Variants in MFAP5 observed in about 807,000 individuals in gnomAD.
MFAP5 encodes microfibrillar-associated protein 5.
A neutral mutation model predicts 30.1 loss-of-function variants in MFAP5; 19 were observed. That is an observed-to-expected ratio of 0.63 (90% confidence interval 0.44 to 0.93). The LOEUF is 0.93. Ranked by LOEUF, MFAP5 falls within the 40% of genes least tolerant of loss-of-function variation. The probability of loss-of-function intolerance (pLI) is 0.00; values close to 1 mark genes in which losing one functional copy is unlikely to be tolerated. For missense variants in MFAP5, 210 were observed against 221.3 expected, an observed-to-expected ratio of 0.95 and a Z score of 0.32; for synonymous variants, 92 against 72.9, an observed-to-expected ratio of 1.26 and a Z score of -1.33.
intron 6 of MFAP5, 34 bp from the exon 7 acceptor site, chr12:8,651,725 A>G (rs1368770608): frequency 1.2e-6 from 2 of 1,603,038 alleles, no homozygotes; most frequent in Non-Finnish European, 1.7e-6. Flanking sequence ...ACTGTTACCA[A>G]TTCTAGAAGT....
chr12:8,655,390 T>TG, intron 5 of MFAP5, 25 bp downstream of exon 5: 1 of 1,573,262 alleles, frequency 6.4e-7, no homozygotes, highest in Non-Finnish European at 8.7e-7. Context: ...CATGCCATTT[T>TG]TTTTTTAACT....
chr12:8,656,625 T>TACACACACACAC (rs1223209541), intron 3 of MFAP5, among the ~76,000 whole-genome samples: 40 of 121,258 alleles, frequency 3.3e-4, no homozygotes, highest in African/African-American at 1.2e-3. Flanking sequence ...TATACACACA[T>TACACACACACAC]ACACACACAC....
At chr12:8,655,531 A>C in intron 4 of MFAP5, 84 bp from the exon 5 acceptor site, 9 of 1,385,744 alleles carry the variant, frequency 6.5e-6, no homozygotes, top group African/African-American at 1.5e-5. Context: ...GATGATCTCA[A>C]AGGAGGCAAG....
chr12:8,649,488 G>A lies in MFAP5; in HGVS notation c.409+13C>T. ...ACTGCTTCTCTCCATTAAACATCCA[G>A]ACATCATCTTACCTTTCATAGCTTC... On this transcript the variant is annotated intron_variant, in intron 9 of 9. Coordinates refer to ENST00000359478, the MANE Select transcript of MFAP5 (RefSeq NM_003480.4). The A allele has an allele frequency of 6.2e-7, 1 of 1,611,190 alleles. No individual in the cohort carries two copies. Among genetic ancestry groups the A allele is most frequent in the Non-Finnish European group, 8.5e-7 (1 of 1,177,586 alleles).
chr12:8,660,223 C>G (rs1415463852), intron 3 of MFAP5, among the ~76,000 whole-genome samples: 1 of 145,942 alleles, frequency 6.9e-6, no homozygotes, highest in African/African-American at 2.5e-5. Context: ...CAGTTCCACT[C>G]TGTTGCCCAG....
intron 6 of MFAP5, 74 bp from the exon 7 acceptor site, chr12:8,651,765 A>C: frequency 2.9e-6 from 4 of 1,367,286 alleles, no homozygotes; most frequent in Non-Finnish European, 4.2e-6. Context: ...ACACTGCCTC[A>C]CTTAGGACCT....
intron 9 of MFAP5, among the ~76,000 whole-genome samples, 171 bp downstream of exon 9, chr12:8,649,330 T>C (rs1482209091): frequency 6.6e-6 from 1 of 151,512 alleles, no homozygotes; most frequent in Non-Finnish European, 1.5e-5. Flanking sequence ...TCAAGCATAC[T>C]GCTTTATGTA....
intron 7 of MFAP5, among the ~76,000 whole-genome samples, chr12:8,651,093 G>A (rs1941826353): frequency 1.3e-5 from 2 of 152,048 alleles, no homozygotes; most frequent in Non-Finnish European, 2.9e-5. Context: ...CTTCAACCTG[G>A]GAGGCGGAGG....
At chr12:8,655,557 A>C (rs1239255217) in intron 4 of MFAP5, 110 bp from the exon 5 acceptor site, 22 of 1,206,708 alleles carry the variant, frequency 1.8e-5, no homozygotes, top group South Asian at 1.3e-4. Flanking sequence ...CTGAAGTGAA[A>C]GCCTGTGGAC....
At chr12:8,661,709 T>C (rs1443650682) in intron 2 of MFAP5, among the ~76,000 whole-genome samples, 3 of 152,066 alleles carry the variant, frequency 2.0e-5, no homozygotes, top group Admixed American at 1.3e-4. Flanking sequence ...GTCCCTCCTC[T>C]ATGTTTGTGT....
At chr12:8,657,701 T>C (rs770021059) in intron 3 of MFAP5, among the ~76,000 whole-genome samples, 3 of 146,996 alleles carry the variant, frequency 2.0e-5, no homozygotes, top group Non-Finnish European at 3.0e-5. Flanking sequence ...GCCTCCTGAG[T>C]GGCTGGGACA....
chr12:8,648,455 A>C, intron 9 of MFAP5: 1 of 1,086,610 alleles, frequency 9.2e-7, no homozygotes, highest in Non-Finnish European at 1.2e-6. Flanking sequence ...TATATTTCTG[A>C]GTATTAAAAT....
chr12:8,651,511 A>G lies in MFAP5; in HGVS notation c.247+151T>C, dbSNP rs115508526. On this transcript the variant is annotated intron_variant, in intron 7 of 9. Transcript: ENST00000359478. Reference sequence around the variant, plus strand: ...TGACAGGTGCTCATTTTTTTAAAAAAAAGAGTAAGGGAGTGAAGAACACTA... The same window carrying G: ...TGACAGGTGCTCATTTTTTTAAAAAGAAGAGTAAGGGAGTGAAGAACACTA... 8.1e-4 allele frequency: 617 copies of G among 762,812 alleles called. 3 individuals carry two copies. The African/African-American group carries it at 0.01, about 13-fold the overall frequency. The allele number at this position is 762,812 out of a possible 1,614,324, so 47.3% of individuals were successfully genotyped here. A position where few individuals can be genotyped will look rare whatever the true frequency, so the allele number is the denominator to read the frequency against.
At chr12:8,655,109 C>T (rs1246128522) in intron 5 of MFAP5, among the ~76,000 whole-genome samples, 1 of 151,976 alleles carries the variant, frequency 6.6e-6, no homozygotes, top group Non-Finnish European at 1.5e-5. Context: ...GAAATCCCGT[C>T]TCTACTAAAA....
chr12:8,651,272 C>A (rs1245629442), intron 7 of MFAP5, among the ~76,000 whole-genome samples: 1 of 152,190 alleles, frequency 6.6e-6, no homozygotes, highest in Non-Finnish European at 1.5e-5. Flanking sequence ...TTTCTCTGTT[C>A]CAGTAGTTTT....
At chr12:8,651,374 T>C (rs1941833325) in intron 7 of MFAP5, among the ~76,000 whole-genome samples, 1 of 152,118 alleles carries the variant, frequency 6.6e-6, no homozygotes, top group Admixed American at 6.6e-5. Flanking sequence ...TGAAGTTAAA[T>C]TGATTTCACT....
chr12:8,658,992 CTT>C (rs71045203), intron 3 of MFAP5, among the ~76,000 whole-genome samples: 12 of 123,704 alleles, frequency 9.7e-5, no homozygotes, highest in South Asian at 2.8e-4. Flanking sequence ...CCACACCTGG[CTT>C]TTTTTTTTTT....
chr12:8,661,714 T>C (rs374283294), intron 2 of MFAP5, among the ~76,000 whole-genome samples: 7 of 152,166 alleles, frequency 4.6e-5, no homozygotes, highest in African/African-American at 1.7e-4. Context: ...TCCTCTATGT[T>C]TGTGTATGCA....
rs14541 is a variant in MFAP5, at chr12:8,647,970, A to G, written c.*121T>C. On this transcript the variant is annotated 3_prime_UTR_variant, in exon 10 of 10. Transcript: ENST00000359478. ...AGTAGAGAGTAGGGGTAAAAGCTGG[A>G]CATTGCAAAAGGATTGGTTTAAGAA... 71,382 of 643,990 alleles carry G rather than the reference A, an allele frequency of 0.11. 4,670 individuals carry two copies. The highest frequency in any genetic ancestry group is 0.14 in the Non-Finnish European group (51,269 of 378,276). The allele number at this position is 643,990 out of a possible 1,614,324, so 39.9% of individuals were successfully genotyped here. A position where few individuals can be genotyped will look rare whatever the true frequency, so the allele number is the denominator to read the frequency against.
Sources: allele counts gnomAD v4.1 joint callset (sites outside exome capture counted in the v4.1 genomes callset), GRCh38; gene constraint gnomAD v4.1.1; transcripts MANE v1.5; gene names NCBI Gene and HGNC (gene_info 2026-07-23, HGNC 2026-07-21).